Variants in FAM13B observed in about 807,000 individuals in gnomAD.
FAM13B encodes family with sequence similarity 13 member B.
A neutral mutation model predicts 117.3 loss-of-function variants in FAM13B; 60 were observed. The ratio of observed to expected loss-of-function variants is 0.51; its 90% CI spans 0.42 to 0.63. FAM13B has a LOEUF of 0.63. Among genes scored for constraint, FAM13B ranks in the 30% least tolerant of loss-of-function variants. The probability of loss-of-function intolerance (pLI) is 0.00; values close to 1 mark genes in which losing one functional copy is unlikely to be tolerated. For missense variants in FAM13B, 972 were observed against 1,091.9 expected, an observed-to-expected ratio of 0.89 and a Z score of 1.55; for synonymous variants, 332 against 356.1, an observed-to-expected ratio of 0.93 and a Z score of 0.76.
intron 17 of FAM13B, among the ~76,000 whole-genome samples, 200 bp downstream of exon 17, chr5:137,952,428 T>C (rs550169121): frequency 1.3e-5 from 2 of 152,272 alleles, no homozygotes; most frequent in African/African-American, 2.4e-5. Flanking sequence ...TAAAATATAA[T>C]ACAGAACTAC....
chr5:137,962,604 AG>A (rs1768468568), intron 10 of FAM13B, 135 bp from the exon 11 acceptor site: 1 of 668,130 alleles, frequency 1.5e-6, no homozygotes, highest in African/African-American at 1.8e-5. Flanking sequence ...AATAGTCTGT[AG>A]TACTTAGCAT....
chr5:137,962,551 A>G, intron 10 of FAM13B, 82 bp from the exon 11 acceptor site: 1 of 1,261,722 alleles, frequency 7.9e-7, no homozygotes, highest in Non-Finnish European at 1.1e-6. Flanking sequence ...TTAGGATATT[A>G]GAATACAGAT....
Position 137,937,997 on chromosome 5 carries a change from C to A in FAM13B, c.*2228G>T, listed in dbSNP as rs1760639249. 6.6e-6 allele frequency: 1 copy of A among 151,642 alleles called. No homozygotes were observed. The highest frequency in any genetic ancestry group is 2.4e-5 in the African/African-American group (1 of 41,216). The allele number at this position is 151,642 out of a possible 1,614,324, so 9.4% of individuals were successfully genotyped here. A position where few individuals can be genotyped will look rare whatever the true frequency, so the allele number is the denominator to read the frequency against. ...AGTTCTTTTATTATAAAAGTCTGTA[C>A]AATGAAGTGCCAGACACAGCAATGC... is the stretch of plus-strand genomic sequence containing the variant. On this transcript the variant is annotated 3_prime_UTR_variant, in exon 24 of 24. Transcript: ENST00000689681.
At chr5:137,966,293 T>C (rs1237067622) in intron 10 of FAM13B, among the ~76,000 whole-genome samples, 1 of 151,132 alleles carries the variant, frequency 6.6e-6, no homozygotes, top group Non-Finnish European at 1.5e-5. Flanking sequence ...AAAAATTAGC[T>C]GGGCGTGGTG....
chr5:137,972,161 A>G (rs1192698611), intron 10 of FAM13B, among the ~76,000 whole-genome samples: 1 of 150,838 alleles, frequency 6.6e-6, no homozygotes, highest in Non-Finnish European at 1.5e-5. Context: ...CACAACCAAA[A>G]AAGAGAATTT....
At chr5:137,980,246 A>G (rs1385493244) in intron 10 of FAM13B, among the ~76,000 whole-genome samples, 1 of 151,898 alleles carries the variant, frequency 6.6e-6, no homozygotes, top group African/African-American at 2.4e-5. Context: ...AACAGGTATT[A>G]TTGTGTATTG....
intron 17 of FAM13B, among the ~76,000 whole-genome samples, chr5:137,951,757 G>A (rs780717839): frequency 1.3e-4 from 19 of 151,966 alleles, no homozygotes; most frequent in Non-Finnish European, 2.4e-4. Context: ...CAGGGGGATC[G>A]CTTGAGCCCA....
chr5:137,997,715 C>G (rs975108609), intron 7 of FAM13B, among the ~76,000 whole-genome samples: 10 of 152,032 alleles, frequency 6.6e-5, no homozygotes, highest in African/African-American at 2.2e-4. Context: ...GCAGAAATAA[C>G]AGATACATGA....
chr5:137,980,379 A>T (rs757503963), intron 10 of FAM13B, among the ~76,000 whole-genome samples: 3 of 152,094 alleles, frequency 2.0e-5, no homozygotes, highest in Non-Finnish European at 4.4e-5. Context: ...AGGTTTCCTA[A>T]AAACAATTTT....
chr5:137,948,988 T>C lies in FAM13B; in HGVS notation c.2127A>G (p.Lys709=). The C allele has an allele frequency of 1.2e-6, 2 of 1,613,794 alleles. No homozygotes were observed. Among genetic ancestry groups the C allele is most frequent in the Non-Finnish European group, 1.7e-6 (2 of 1,179,926 alleles). ...CTTCTGGAAGACACCTCTCAATACG[T>C]TTTTCTTTCAGTCTTTTAAGAATAA... The part of the protein sequence containing the change: ...LELILKRLKE[K]RIERCLPEDI... Residue 709 remains lysine (K), a synonymous_variant, in exon 18 of 24, where the codon AAA becomes AAG. Coordinates refer to ENST00000689681, the MANE Select transcript of FAM13B (RefSeq NM_001385994.1).
rs2150970297 is a variant in FAM13B at position 138,019,093 on chromosome 5, GGGA to G, written c.16_18del (p.Ser6del). 1.2e-6 allele frequency: 2 copies of G among 1,613,862 alleles called. No individual in the cohort carries two copies. Among genetic ancestry groups the G allele is most frequent in the East Asian group, 4.5e-5 (2 of 44,866 alleles). ...ACGGAGTTGCAGTTACTCAAGGAAG[GGGA>G]GGAGCTCTTCCTCATATCTTTTTTG... On this transcript the variant is annotated inframe_deletion, in exon 3 of 24. Transcript: ENST00000689681.
chr5:137,954,236 C>G lies in FAM13B; in HGVS notation c.1648G>C (p.Gly550Arg). The G allele has an allele frequency of 6.2e-7, 1 of 1,613,900 alleles. No individual in the cohort carries two copies. The highest frequency in any genetic ancestry group is 8.5e-7 in the Non-Finnish European group (1 of 1,179,976). The change falls in exon 15 of 24, where the codon GGT (glycine) becomes CGT (arginine). Residue 550 changes from glycine (G) to arginine (R), a missense_variant. Physicochemically the swap from Gly to Arg is moderately radical, Grantham distance 125 (BLOSUM62 -2). Coordinates refer to ENST00000689681, the MANE Select transcript of FAM13B (RefSeq NM_001385994.1). ...TCATGTAGGAAACGCTGGCTTTGAC[C>G]AAAATCTAAACTGCGGTGTGATAAT... ...PVLSHRSLDF[G>R]QSQRFLHDPE...
At chr5:137,968,200 C>T (rs375511957) in intron 10 of FAM13B, among the ~76,000 whole-genome samples, 8 of 129,104 alleles carry the variant, frequency 6.2e-5, no homozygotes, top group East Asian at 4.4e-4. Flanking sequence ...CCAATCTGGG[C>T]GACAGAGCAA....
intron 2 of FAM13B, among the ~76,000 whole-genome samples, chr5:138,019,711 G>A (rs982026919): frequency 1.4e-4 from 21 of 150,178 alleles, no homozygotes; most frequent in East Asian, 3.9e-4. Context: ...ACGGAGTCTC[G>A]CTCTGTTGCC....
chr5:137,958,200 C>A (rs1767127547), intron 13 of FAM13B, among the ~76,000 whole-genome samples: 1 of 152,200 alleles, frequency 6.6e-6, no homozygotes, highest in South Asian at 2.1e-4. Context: ...TCTTCAACTG[C>A]CACCAGTATG....
intron 4 of FAM13B, among the ~76,000 whole-genome samples, chr5:138,016,017 CAT>C (rs1785178256): frequency 6.6e-6 from 1 of 152,230 alleles, no homozygotes; most frequent in Non-Finnish European, 1.5e-5. Flanking sequence ...TTTTTTTGCA[CAT>C]CTCTTTTGCA....
chr5:138,011,275 C>T, intron 5 of FAM13B, 126 bp from the exon 6 acceptor site: 2 of 863,954 alleles, frequency 2.3e-6, no homozygotes, highest in Admixed American at 2.8e-5. Flanking sequence ...TTCCATTCTC[C>T]CATCTGTAAA....
At chr5:138,028,850 C>T (rs566662604) in intron 1 of FAM13B, among the ~76,000 whole-genome samples, 2 of 152,272 alleles carry the variant, frequency 1.3e-5, no homozygotes, top group South Asian at 2.1e-4. Flanking sequence ...GAAACCCCAT[C>T]GCTACAAGAA....
intron 7 of FAM13B, among the ~76,000 whole-genome samples, chr5:137,991,161 C>G (rs956502048): frequency 6.6e-6 from 1 of 151,916 alleles, no homozygotes; most frequent in Non-Finnish European, 1.5e-5. Context: ...CACCTATAGC[C>G]CCAACATTTA....
Sources: gnomAD v4.1 joint callset for allele counts (sites outside exome capture counted in the v4.1 genomes callset) on GRCh38, gnomAD v4.1.1 for gene constraint, MANE v1.5 for transcripts, NCBI Gene and HGNC (gene_info 2026-07-23, HGNC 2026-07-21) for gene names.